HIVEP1: variants seen among roughly 807,000 people sequenced by gnomAD.
The protein encoded by HIVEP1 is zinc finger protein 40.
A neutral mutation model predicts 180.0 loss-of-function variants in HIVEP1; 36 were observed. The ratio of observed to expected loss-of-function variants is 0.20; its 90% CI spans 0.15 to 0.26. The LOEUF is 0.26. HIVEP1 is among the 10% of genes least tolerant of loss of function. HIVEP1 has a pLI of 1.00. For synonymous variants in HIVEP1, 1,239 were observed against 1,239.0 expected (o/e 1.00, Z 0.00); for missense variants, 3,143 against 3,268.7 (o/e 0.96, Z 0.94).
intron 2 of HIVEP1, among the ~76,000 whole-genome samples, chr6:12,034,778 A>G (rs1213705791): frequency 6.6e-6 from 1 of 152,188 alleles, no homozygotes; most frequent in Non-Finnish European, 1.5e-5. Context: ...GAGAGGAAAA[A>G]GGAATTTGGG....
chr6:12,127,643 A>G (rs1469592139), intron 4 of HIVEP1, among the ~76,000 whole-genome samples: 1 of 152,226 alleles, frequency 6.6e-6, no homozygotes. Context: ...TGCTCAGGGT[A>G]TAAAGAAGAG....
intron 3 of HIVEP1, among the ~76,000 whole-genome samples, chr6:12,099,098 G>T (rs1046128703): frequency 6.6e-6 from 1 of 152,046 alleles, no homozygotes; most frequent in Non-Finnish European, 1.5e-5. Context: ...TGCGGTGGGA[G>T]GTGGACTGCA....
chr6:12,079,824 T>C (rs1772647991), intron 2 of HIVEP1, among the ~76,000 whole-genome samples: 1 of 152,194 alleles, frequency 6.6e-6, no homozygotes, highest in Admixed American at 6.5e-5. Flanking sequence ...ATTTGATTCT[T>C]GTCCATGGAA....
At chr6:12,015,270 G>C (rs1017909797) in intron 1 of HIVEP1, among the ~76,000 whole-genome samples, 1 of 152,108 alleles carries the variant, frequency 6.6e-6, no homozygotes. Context: ...TGGTATTGTT[G>C]TTTTAAAACA....
chr6:12,075,889 T>C (rs1350628040), intron 2 of HIVEP1, among the ~76,000 whole-genome samples: 1 of 152,210 alleles, frequency 6.6e-6, no homozygotes, highest in African/African-American at 2.4e-5. Context: ...ATTTCCTTAA[T>C]AATATGGTCA....
chr6:12,095,405 T>A (rs1038806262), intron 3 of HIVEP1, among the ~76,000 whole-genome samples: 5 of 151,976 alleles, frequency 3.3e-5, no homozygotes, highest in African/African-American at 1.2e-4. Flanking sequence ...ATTGCTTAGA[T>A]GTATCATACA....
the HIVEP1 span, among the ~76,000 whole-genome samples, chr6:12,179,834 G>A: frequency 6.6e-5 from 10 of 151,748 alleles, no homozygotes; most frequent in East Asian, 1.9e-4. Context: ...ATAATGTTTT[G>A]TTTATTTATT....
intron 2 of HIVEP1, among the ~76,000 whole-genome samples, chr6:12,075,347 T>G (rs1772281129): frequency 1.3e-5 from 2 of 152,246 alleles, no homozygotes; most frequent in African/African-American, 4.8e-5. Context: ...GTTATCCTTT[T>G]CAGCTTTGGT....
At chr6:12,061,246 T>A (rs1325943917) in intron 2 of HIVEP1, among the ~76,000 whole-genome samples, 1 of 152,240 alleles carries the variant, frequency 6.6e-6, no homozygotes, top group Non-Finnish European at 1.5e-5. Flanking sequence ...ACACTTGATG[T>A]GATTTGATGA....
At chr6:12,009,661 T>C (rs1232815562), upstream of HIVEP1, among the ~76,000 whole-genome samples, 1 of 152,246 alleles carries the variant, frequency 6.6e-6, no homozygotes, top group East Asian at 1.9e-4. Context: ...CTAAAGAAGC[T>C]ACTTTATAGT....
the HIVEP1 span, among the ~76,000 whole-genome samples, chr6:12,209,166 C>T: frequency 6.6e-6 from 1 of 152,218 alleles, no homozygotes; most frequent in African/African-American, 2.4e-5. Flanking sequence ...CTCCTACCAT[C>T]CCCCAGCACT....
chr6:12,121,773 G>C lies in HIVEP1; in HGVS notation c.1978G>C (p.Gly660Arg). ...TACCGATTACTCCCAAGAGCAGCAA[G>C]GAAAGCTCCTGAGTCCTCGAAGTTT... ...QATDYSQEQQGKLLSPRSLGS... is the reference protein window; with the variant it reads ...QATDYSQEQQRKLLSPRSLGS... Residue 660 changes from glycine (G) to arginine (R), a missense_variant, in exon 4 of 9, where the codon GGA (glycine) becomes CGA (arginine). Physicochemically the swap from Gly to Arg is moderately radical, Grantham distance 125. Around this residue, in one of 12 missense-constraint regions of HIVEP1, gnomAD observed 365 missense variants for 344.4 expected, o/e 1.06. Transcript: ENST00000379388. The surrounding 1 kb of genome is among the most constrained non-coding windows in gnomAD (Gnocchi z 5.3). 1 of 1,614,136 alleles carries C rather than the reference G, an allele frequency of 6.2e-7. No homozygotes were observed. The highest frequency in any genetic ancestry group is 8.5e-7 in the Non-Finnish European group (1 of 1,180,012).
intron 2 of HIVEP1, among the ~76,000 whole-genome samples, chr6:12,033,063 C>T (rs9394473): frequency 0.066 from 10,056 of 152,142 alleles, 397 homozygotes; most frequent in Middle Eastern, 0.2. Flanking sequence ...TATGATTTTT[C>T]GACCCATACA....
chr6:12,109,831 A>G (rs550249273), intron 3 of HIVEP1, among the ~76,000 whole-genome samples: 1 of 152,200 alleles, frequency 6.6e-6, no homozygotes, highest in South Asian at 2.1e-4. Flanking sequence ...AAGGCTTTCA[A>G]TTTGCTTTGC....
At chr6:12,154,207 G>A (rs1329334496) in intron 7 of HIVEP1, among the ~76,000 whole-genome samples, 1 of 152,228 alleles carries the variant, frequency 6.6e-6, no homozygotes. Context: ...TTCACCCACA[G>A]TGAGAAACCT....
chr6:12,026,274 TG>T (rs1462290543), intron 2 of HIVEP1, among the ~76,000 whole-genome samples: 1 of 152,136 alleles, frequency 6.6e-6, no homozygotes, highest in Non-Finnish European at 1.5e-5. Context: ...CAAGGGAAAG[TG>T]GAGCAAAAAA....
chr6:12,174,675 G>A, the HIVEP1 span, among the ~76,000 whole-genome samples: 4 of 152,146 alleles, frequency 2.6e-5, no homozygotes, highest in Admixed American at 6.5e-5. Flanking sequence ...AGATTCAGGC[G>A]ACAAAACATT....
chr6:12,126,241 G>A (rs1199308966), intron 4 of HIVEP1, among the ~76,000 whole-genome samples: 4 of 152,118 alleles, frequency 2.6e-5, no homozygotes, highest in African/African-American at 9.7e-5. Context: ...GTTATGCTTT[G>A]TTCCTCCTCA....
intron 1 of HIVEP1, among the ~76,000 whole-genome samples, chr6:12,014,867 C>A (rs1187761397): frequency 6.6e-6 from 1 of 152,208 alleles, no homozygotes; most frequent in Non-Finnish European, 1.5e-5. Context: ...TGTGTGATCA[C>A]GTGGGTTAGC....
Sources: gnomAD v4.1 joint callset for allele counts (sites outside exome capture counted in the v4.1 genomes callset) on GRCh38, gnomAD v4.1.1 for gene constraint, gnomAD v4.1.1 regional missense constraint, Gnocchi (gnomAD v3.1) non-coding constraint, MANE v1.5 for transcripts, NCBI Gene and HGNC (gene_info 2026-07-23, HGNC 2026-07-21) for gene names.